Variants in THAP6 observed in about 807,000 individuals in gnomAD.
The protein encoded by THAP6 is THAP domain-containing protein 6.
In THAP6, 13 loss-of-function variants were observed where a neutral mutation model predicts 20.0. That is an observed-to-expected ratio of 0.65 (90% confidence interval 0.42 to 1.03). THAP6 has a LOEUF of 1.03. Among genes scored for constraint, THAP6 ranks in the 50% least tolerant of loss-of-function variants. The probability of loss-of-function intolerance (pLI) is 0.00; values close to 1 mark genes in which losing one functional copy is unlikely to be tolerated. For missense variants in THAP6, 262 were observed against 261.6 expected (o/e 1.00, Z -0.01); for synonymous variants, 93 against 92.2 (o/e 1.01, Z -0.05).
rs371165032 is a variant in THAP6, at chr4:75,546,867, T to C, written c.244-2738T>C. 2.0e-5 allele frequency among the ~76,000 whole-genome samples: 3 copies of C among 152,318 alleles called. No homozygotes were observed. In the East Asian group the frequency reaches 5.8e-4, roughly 29 times the overall value. On this transcript the variant is annotated intron_variant, in intron 3 of 4. Coordinates refer to the THAP6 transcript ENST00000502620. ...TACTCAAAGCCCACTGATTTCAATA[T>C]AAACCTCATCCCAAAACACCCTCCC...
chr4:75,515,646 C>A lies in THAP6; in HGVS notation c.80+114C>A, dbSNP rs77865223. 970 of 951,378 alleles carry A rather than the reference C, an allele frequency of 1.0e-3. 4 individuals carry two copies. The African/African-American group carries it at 0.014, about 14-fold the overall frequency. 58.9% of individuals were successfully genotyped at this position (951,378 alleles called of 1,614,324 possible). A position where few individuals can be genotyped will look rare whatever the true frequency, so the allele number is the denominator to read the frequency against. On this transcript the variant is annotated intron_variant, in intron 2 of 4. Coordinates refer to ENST00000311638, the MANE Select transcript of THAP6 (RefSeq NM_144721.6). ...TAGTTCCCGAGTCCTTTTTAAATAA[C>A]CTTTTTGTTAAATTTGAAGTGACAA...
downstream of THAP6, among the ~76,000 whole-genome samples, chr4:75,531,776 T>TC (rs1224366388): frequency 1.7e-4 from 23 of 137,986 alleles, no homozygotes; most frequent in African/African-American, 4.8e-4. Context: ...GCAGAGAAAC[T>TC]CCCCTTTTTT....
At chr4:75,544,671 C>A (rs1578285738) in intron 3 of THAP6, 1 of 151,622 alleles carries the variant, frequency 6.6e-6, no homozygotes, top group East Asian at 1.9e-4. Flanking sequence ...GCCTAGGACT[C>A]TGTTTTTTTT....
At chr4:75,533,758 T>C (rs1399342611), downstream of THAP6, among the ~76,000 whole-genome samples, 1 of 151,578 alleles carries the variant, frequency 6.6e-6, no homozygotes. Flanking sequence ...TTTTTCCTTT[T>C]TTTCAAATTT....
Position 75,515,407 on chromosome 4 carries a change from C to T in THAP6, c.-20-26C>T, listed in dbSNP as rs201565465. 13 of 1,597,306 alleles carry T rather than the reference C, an allele frequency of 8.1e-6. No homozygotes were observed. In the African/African-American group the frequency reaches 1.5e-4, roughly 18 times the overall value. ...TCCCCTTCAGCTTTCCGGTTACTAA[C>T]TCTTAACATTCTAATTTTCTTTCAG... On this transcript the variant is annotated intron_variant, in intron 1 of 4. Coordinates refer to ENST00000311638, the MANE Select transcript of THAP6 (RefSeq NM_144721.6).
chr4:75,540,611 A>G (rs1439561388), intron 2 of THAP6, among the ~76,000 whole-genome samples: 1 of 152,250 alleles, frequency 6.6e-6, no homozygotes, highest in Non-Finnish European at 1.5e-5. Flanking sequence ...TTTTTAAAAC[A>G]GAAGAGTTTT....
exon 3 of THAP6, chr4:75,542,442 G>C: frequency 1.4e-6 from 1 of 702,014 alleles, no homozygotes; most frequent in Non-Finnish European, 2.6e-6. Context: ...TTTGTTCAAG[G>C]CAAAAAATTA....
chr4:75,526,223 G>A (rs1726357296), intron 4 of THAP6, among the ~76,000 whole-genome samples: 1 of 152,086 alleles, frequency 6.6e-6, no homozygotes, highest in African/African-American at 2.4e-5. Flanking sequence ...ATTATCTTAA[G>A]AGCTATTTTT....
rs374527112 is a variant in THAP6, at chr4:75,521,718, A to T, written c.289-18A>T. ...AAAAGTATCTCACTTGATGATTATT[A>T]TTAACTACTCTTAACAGGGGAAAAG... On this transcript the variant is annotated intron_variant, in intron 3 of 4. Coordinates refer to ENST00000311638, the MANE Select transcript of THAP6 (RefSeq NM_144721.6). The T allele has an allele frequency of 2.5e-6, 4 of 1,584,302 alleles. No individual in the cohort carries two copies. Among genetic ancestry groups the T allele is most frequent in the Non-Finnish European group, 3.4e-6 (4 of 1,166,258 alleles).
At chr4:75,542,929 A>C (rs1335453930) in intron 3 of THAP6, 1 of 157,598 alleles carries the variant, frequency 6.3e-6, no homozygotes, top group East Asian at 1.8e-4. Flanking sequence ...ATAGTTACTC[A>C]TTACCACAAT....
Position 75,528,019 on chromosome 4 carries a change from T to C in THAP6, c.*805T>C, listed in dbSNP as rs779635267. ...AAAATCTGAATGGCAGTACTAGCTC[T>C]ATACTTTTAATACTGCTTTGTATTT... is the stretch of plus-strand genomic sequence containing the variant. On this transcript the variant is annotated 3_prime_UTR_variant, in exon 5 of 5. Transcript: ENST00000311638. The C allele has an allele frequency of 2.5e-5, 25 of 985,204 alleles. No homozygotes were observed. The highest frequency in any genetic ancestry group is 3.5e-5 in the African/African-American group (2 of 57,248). The allele number at this position is 985,204 out of a possible 1,614,324, so 61.0% of individuals were successfully genotyped here.
intron 3 of THAP6, among the ~76,000 whole-genome samples, chr4:75,543,905 A>G (rs1727067629): frequency 6.6e-6 from 1 of 152,168 alleles, no homozygotes; most frequent in Admixed American, 6.5e-5. Context: ...GCCATGATAG[A>G]CAATATAGGC....
At chr4:75,540,036 A>G (rs1239740917) in intron 2 of THAP6, 3 of 1,476,710 alleles carry the variant, frequency 2.0e-6, no homozygotes, top group African/African-American at 1.4e-5. Context: ...TGTATCACTG[A>G]AAGGGAAAAT....
In THAP6 at chr4:75,528,006, G is replaced by T; in HGVS notation, c.*792G>T. 1 of 985,226 alleles carries T rather than the reference G, an allele frequency of 1.0e-6. No individual in the cohort carries two copies. Among genetic ancestry groups the T allele is most frequent in the Non-Finnish European group, 1.2e-6 (1 of 829,810 alleles). 61.0% of individuals were successfully genotyped at this position (985,226 alleles called of 1,614,324 possible). On this transcript the variant is annotated 3_prime_UTR_variant, in exon 5 of 5. Transcript: ENST00000311638. ...AAGGTATATGTTTAAAATCTGAATG[G>T]CAGTACTAGCTCTATACTTTTAATA...
intron 2 of THAP6, among the ~76,000 whole-genome samples, chr4:75,536,744 G>A (rs1041775601): frequency 2.6e-5 from 4 of 152,114 alleles, no homozygotes; most frequent in Admixed American, 6.5e-5. Context: ...CTGGGCTCAC[G>A]CAGTCTGCCC....
chr4:75,529,693 C>G lies in THAP6; in HGVS notation c.*2479C>G. ...CCCCTCCAGAAATTTCTCTGGCAGCCAAGCCTGACCCTAAGGGTTCCACTT... is the reference window on the plus strand; with the variant it reads ...CCCCTCCAGAAATTTCTCTGGCAGCGAAGCCTGACCCTAAGGGTTCCACTT... On this transcript the variant is annotated 3_prime_UTR_variant, in exon 5 of 5. Coordinates refer to ENST00000311638, the MANE Select transcript of THAP6 (RefSeq NM_144721.6). 1 of 985,448 alleles carries G rather than the reference C, an allele frequency of 1.0e-6. No individual in the cohort carries two copies. The highest frequency in any genetic ancestry group is 1.2e-6 in the Non-Finnish European group (1 of 829,966). The allele number at this position is 985,448 out of a possible 1,614,324, so 61.0% of individuals were successfully genotyped here.
At chr4:75,514,335 A>C (rs758123996), upstream of THAP6, 1 of 1,578,698 alleles carries the variant, frequency 6.3e-7, no homozygotes. Flanking sequence ...CAGGATAAAA[A>C]CCACGCCCAG....
At chr4:75,532,836 C>T (rs1010262863), downstream of THAP6, among the ~76,000 whole-genome samples, 20 of 152,178 alleles carry the variant, frequency 1.3e-4, no homozygotes, top group African/African-American at 4.8e-4. Context: ...GGACACAGGG[C>T]ACCAAGTCCC....
At chr4:75,520,886 A>G (rs1725979232) in intron 3 of THAP6, among the ~76,000 whole-genome samples, 1 of 152,074 alleles carries the variant, frequency 6.6e-6, no homozygotes, top group Non-Finnish European at 1.5e-5. Flanking sequence ...GTATCTATGA[A>G]CACTCGTGCG....
Sources: allele counts gnomAD v4.1 joint callset (sites outside exome capture counted in the v4.1 genomes callset), GRCh38; gene constraint gnomAD v4.1.1; transcripts MANE v1.5; gene names NCBI Gene and HGNC (gene_info 2026-07-23, HGNC 2026-07-21).